Variants in SLCO1B1 observed in about 807,000 individuals in gnomAD.
SLCO1B1 encodes the protein solute carrier organic anion transporter family member 1B1.
Under a neutral mutation model 70.1 loss-of-function variants are expected in SLCO1B1, and 81 were observed. That is an observed-to-expected ratio of 1.16 (90% CI 0.97 to 1.39). SLCO1B1 has a LOEUF of 1.39. SLCO1B1 is among the 40% of genes most tolerant of loss of function. The pLI is 0.00. For synonymous variants in SLCO1B1, 283 were observed against 271.5 expected, an observed-to-expected ratio of 1.04 and a Z score of -0.42; for missense variants, 895 against 799.6, an observed-to-expected ratio of 1.12 and a Z score of -1.44.
chr12:21,196,343 T>C (rs1342782859), intron 7 of SLCO1B1, among the ~76,000 whole-genome samples: 1 of 152,206 alleles, frequency 6.6e-6, no homozygotes, highest in Admixed American at 6.5e-5. Context: ...CTCTTATTCA[T>C]GATTTAAAGA....
At chr12:21,136,186 C>T (rs970709932) in intron 1 of SLCO1B1, among the ~76,000 whole-genome samples, 2 of 152,188 alleles carry the variant, frequency 1.3e-5, no homozygotes, top group African/African-American at 2.4e-5. Flanking sequence ...TGTAGAGTTT[C>T]TGCCGAGAGA....
Position 21,178,934 on chromosome 12 carries a change from C to T in SLCO1B1, c.641C>T (p.Ala214Val). ...ATAATATTTTCAGGTATATTGAATG[C>T]AATAGCAATGATTGGTCCAATCATT... ...HSSLYLGILN[A>V]IAMIGPIIGF... The change falls in exon 7 of 15, where the codon GCA (alanine) becomes GTA (valine). Residue 214 changes from alanine to valine, a missense_variant. Ala to Val is a moderately conservative substitution (Grantham distance 64). Coordinates refer to ENST00000256958, the MANE Select transcript of SLCO1B1 (RefSeq NM_006446.5). 2 of 1,608,328 alleles carry T rather than the reference C, an allele frequency of 1.2e-6. No individual in the cohort carries two copies. Among genetic ancestry groups the T allele is most frequent in the Admixed American group, 3.3e-5 (2 of 59,968 alleles).
At chr12:21,162,723 TAACTTTGCATCTCTA>T (rs1328486795) in intron 2 of SLCO1B1, among the ~76,000 whole-genome samples, 1 of 152,196 alleles carries the variant, frequency 6.6e-6, no homozygotes, top group Non-Finnish European at 1.5e-5. Context: ...TCTAGTTAAA[TAACTTTGCATCTCTA>T]AACTTTATTA....
chr12:21,141,053 G>T (rs939531943), intron 1 of SLCO1B1, among the ~76,000 whole-genome samples: 1 of 151,598 alleles, frequency 6.6e-6, no homozygotes, highest in Non-Finnish European at 1.5e-5. Context: ...TAAAACTGAG[G>T]CCATTCTAAT....
Position 21,217,316 on chromosome 12 carries a change from T to G in SLCO1B1, c.1682+13T>G, listed in dbSNP as rs751669028. ...TGCTGATTGTTAAGTAAGTATGACT[T>G]TTAAAAACATTTTCATATGCATGAG... is the stretch of plus-strand genomic sequence containing the variant. On this transcript the variant is annotated intron_variant, in intron 12 of 14. Transcript: ENST00000256958. 9.4e-5 allele frequency: 151 copies of G among 1,606,494 alleles called. No individual in the cohort carries two copies. The highest frequency in any genetic ancestry group is 1.2e-4 in the Non-Finnish European group (143 of 1,173,386).
At chr12:21,142,276 A>C (rs1031418882) in intron 2 of SLCO1B1, among the ~76,000 whole-genome samples, 1 of 151,956 alleles carries the variant, frequency 6.6e-6, no homozygotes, top group African/African-American at 2.4e-5. Context: ...GATACAGTTG[A>C]GGTATTAAGT....
intron 7 of SLCO1B1, among the ~76,000 whole-genome samples, chr12:21,186,059 C>T (rs1490727420): frequency 6.6e-6 from 1 of 151,770 alleles, no homozygotes; most frequent in African/African-American, 2.4e-5. Context: ...AATAAAAAAC[C>T]TACTGACCAA....
At chr12:21,184,480 G>T (rs1387930996) in intron 7 of SLCO1B1, among the ~76,000 whole-genome samples, 1 of 152,042 alleles carries the variant, frequency 6.6e-6, no homozygotes, top group Admixed American at 6.6e-5. Context: ...TTAAAGAAAA[G>T]AAATTTCAAC....
At chr12:21,224,920 ATAT>A (rs1469127453) in intron 14 of SLCO1B1, 81 bp downstream of exon 14, 1 of 720,748 alleles carries the variant, frequency 1.4e-6, no homozygotes, top group Non-Finnish European at 2.3e-6. Flanking sequence ...TTATATAATA[ATAT>A]TAATAATGAT....
chr12:21,175,536 G>A (rs1048589246), intron 4 of SLCO1B1, among the ~76,000 whole-genome samples: 1 of 152,234 alleles, frequency 6.6e-6, no homozygotes, highest in African/African-American at 2.4e-5. Flanking sequence ...AGGAGACAAT[G>A]AGCAGTTTCT....
intron 14 of SLCO1B1, among the ~76,000 whole-genome samples, chr12:21,227,302 C>G (rs4149082): frequency 0.32 from 49,163 of 151,664 alleles, 8,453 homozygotes; most frequent in East Asian, 0.45. Flanking sequence ...TAATATGGAA[C>G]CTTCTTCAAG....
intron 7 of SLCO1B1, among the ~76,000 whole-genome samples, chr12:21,179,530 A>C (rs563188720): frequency 6.6e-6 from 1 of 152,290 alleles, no homozygotes; most frequent in African/African-American, 2.4e-5. Flanking sequence ...CAAAGGAATA[A>C]AGCAGAGGAC....
rs1203578001 is a variant in SLCO1B1, at chr12:21,183,806, C to G, written c.727+4786C>G. 2.6e-5 allele frequency among the ~76,000 whole-genome samples: 4 copies of G among 152,040 alleles called. No homozygotes were observed. In the East Asian group the frequency reaches 7.7e-4, roughly 29 times the overall value. On this transcript the variant is annotated intron_variant, in intron 7 of 14. Coordinates refer to ENST00000256958, the MANE Select transcript of SLCO1B1 (RefSeq NM_006446.5). ...TCGGAATCTGGATGGCAAGAAAGCT[C>G]ATTGAGATTCAGGAAAGTGCTGAAA...
chr12:21,179,870 C>A (rs980363963), intron 7 of SLCO1B1, among the ~76,000 whole-genome samples: 1 of 152,102 alleles, frequency 6.6e-6, no homozygotes, highest in African/African-American at 2.4e-5. Context: ...TACCCCCACA[C>A]AACTTTCCAG....
rs1376723872 is a variant in SLCO1B1 at position 21,239,013 on chromosome 12, G to A, written c.1900G>A (p.Val634Ile). Residue 634 changes from valine to isoleucine, a missense_variant, in exon 15 of 15, where the codon GTC becomes ATC. By Grantham distance (29) the Val-to-Ile change is conservative. Transcript: ENST00000256958. ...VYLGLSSMLRVSSLVLYIILI... is the reference protein window; with the variant it reads ...VYLGLSSMLRISSLVLYIILI... ...CTTGGGCTTGTCTTCAATGTTAAGA[G>A]TCTCATCACTTGTTTTATATATTAT... 9.5e-6 allele frequency: 15 copies of A among 1,585,396 alleles called. No individual in the cohort carries two copies. The highest frequency in any genetic ancestry group is 1.1e-5 in the South Asian group (1 of 89,270).
intron 2 of SLCO1B1, among the ~76,000 whole-genome samples, chr12:21,151,320 G>C (rs1294439001): frequency 1.3e-5 from 2 of 152,142 alleles, no homozygotes; most frequent in African/African-American, 4.8e-5. Flanking sequence ...TACCATAGCG[G>C]TTGGGTTGCC....
Position 21,172,757 on chromosome 12 carries a change from T to G in SLCO1B1, c.192T>G (p.Ser64=). ...AACGGAGATTTGAGATATCCTCTTC[T>G]CTTGTTGGTTTTATTGACGGAAGCT... ...HIERRFEISS[S]LVGFIDGSFE... Residue 64 remains serine, a synonymous_variant, in exon 3 of 15, where the codon TCT becomes TCG. Transcript: ENST00000256958. The G allele has an allele frequency of 6.2e-7, 1 of 1,613,536 alleles. No individual in the cohort carries two copies. Among genetic ancestry groups the G allele is most frequent in the Non-Finnish European group, 8.5e-7 (1 of 1,179,750 alleles).
At chr12:21,177,452 AC>A (rs1184608630) in intron 5 of SLCO1B1, among the ~76,000 whole-genome samples, 1 of 152,176 alleles carries the variant, frequency 6.6e-6, no homozygotes, top group Non-Finnish European at 1.5e-5. Flanking sequence ...CTATTATAAC[AC>A]AAATTATAAA....
chr12:21,220,089 T>C (rs1326027759), intron 12 of SLCO1B1, among the ~76,000 whole-genome samples: 1 of 152,124 alleles, frequency 6.6e-6, no homozygotes, highest in African/African-American at 2.4e-5. Context: ...GCAAAGCCAG[T>C]AGGGTTTGCT....
Sources: allele counts gnomAD v4.1 joint callset (sites outside exome capture counted in the v4.1 genomes callset), GRCh38; gene constraint gnomAD v4.1.1; transcripts MANE v1.5; gene names NCBI Gene and HGNC (gene_info 2026-07-23, HGNC 2026-07-21).